GABRB2: variants seen among roughly 807,000 people sequenced by gnomAD.
The protein encoded by GABRB2 is gamma-aminobutyric acid type A receptor subunit beta2.
Under a neutral mutation model 54.7 loss-of-function variants are expected in GABRB2, and 16 were observed. The ratio of observed to expected loss-of-function variants is 0.29; its 90% confidence interval spans 0.20 to 0.44. GABRB2 has a LOEUF of 0.44. GABRB2 is among the 20% of genes least tolerant of loss of function. The pLI is 1.00. For synonymous variants in GABRB2, 244 were observed against 233.8 expected, an observed-to-expected ratio of 1.04 and a Z score of -0.40; for missense variants, 355 against 644.0, an observed-to-expected ratio of 0.55 and a Z score of 4.86.
chr5:161,442,886 G>A (rs1479255683), intron 4 of GABRB2, among the ~76,000 whole-genome samples: 1 of 152,006 alleles, frequency 6.6e-6, no homozygotes, highest in Non-Finnish European at 1.5e-5. Context: ...TCTTGATTCA[G>A]TTGGTCCCCT....
intron 5 of GABRB2, among the ~76,000 whole-genome samples, chr5:161,377,923 T>G (rs1755357283): frequency 6.6e-6 from 1 of 152,218 alleles, no homozygotes; most frequent in East Asian, 1.9e-4. Context: ...TACATATTTG[T>G]ATGTATTTTT....
chr5:161,538,257 G>A (rs781166674), intron 3 of GABRB2, among the ~76,000 whole-genome samples: 2 of 152,112 alleles, frequency 1.3e-5, no homozygotes, highest in Non-Finnish European at 2.9e-5. Context: ...ACAACCATTT[G>A]TATATAAAGC....
intron 3 of GABRB2, among the ~76,000 whole-genome samples, chr5:161,469,648 C>T (rs1758381207): frequency 6.6e-6 from 1 of 150,408 alleles, no homozygotes; most frequent in South Asian, 2.1e-4. Context: ...ATGTCTAATA[C>T]TCAGAGGAGA....
rs1561596652 is a variant in GABRB2 at position 161,294,163 on chromosome 5, G to T, written c.1457C>A (p.Ala486Asp). 2 of 1,614,142 alleles carry T rather than the reference G, an allele frequency of 1.2e-6. No individual in the cohort carries two copies. Among genetic ancestry groups the T allele is most frequent in the Non-Finnish European group, 1.7e-6 (2 of 1,180,004 alleles). ...ITIPDLTDVN[A>D]IDRWSRIFFP... ...GAATATGCGGGACCACCGATCTATG[G>T]CATTCACATCAGTCAAGTCAGGGAT... is the stretch of plus-strand genomic sequence containing the variant. Residue 486 changes from alanine to aspartate, a missense_variant, in exon 10 of 10, where the codon GCC becomes GAC. Ala to Asp is a moderately radical substitution (Grantham distance 126). Transcript: ENST00000393959.
At chr5:161,465,660 TA>T (rs1412830399) in intron 3 of GABRB2, among the ~76,000 whole-genome samples, 1 of 152,116 alleles carries the variant, frequency 6.6e-6, no homozygotes, top group African/African-American at 2.4e-5. Flanking sequence ...TATTGTTTTG[TA>T]AAGTGCCTAT....
intron 4 of GABRB2, among the ~76,000 whole-genome samples, chr5:161,433,731 T>G (rs1757236021): frequency 6.6e-6 from 1 of 152,212 alleles, no homozygotes; most frequent in African/African-American, 2.4e-5. Flanking sequence ...TTCATTCAAC[T>G]TTATTAAAAT....
intron 1 of GABRB2, 29 bp downstream of exon 1, chr5:161,546,538 C>T (rs1322341797): frequency 1.2e-5 from 19 of 1,584,968 alleles, no homozygotes; most frequent in Non-Finnish European, 1.5e-5. Context: ...AAAGTGAGAA[C>T]GGAAAAGAGA....
At chr5:161,362,991 CCA>C (rs1754858299) in intron 5 of GABRB2, among the ~76,000 whole-genome samples, 1 of 152,052 alleles carries the variant, frequency 6.6e-6, no homozygotes, top group African/African-American at 2.4e-5. Flanking sequence ...GGATCTAGAA[CCA>C]GAAATACCAT....
intron 5 of GABRB2, among the ~76,000 whole-genome samples, chr5:161,363,725 G>T (rs1339190556): frequency 6.6e-6 from 1 of 151,852 alleles, no homozygotes; most frequent in African/African-American, 2.4e-5. Context: ...GAAACATTAG[G>T]GTTAGAAAGC....
intron 3 of GABRB2, among the ~76,000 whole-genome samples, chr5:161,483,487 A>C (rs1758826429): frequency 1.3e-5 from 2 of 151,992 alleles, no homozygotes; most frequent in African/African-American, 2.4e-5. Flanking sequence ...AGTAGATGAA[A>C]TATTCCATAA....
chr5:161,484,133 CT>C (rs1275805731), intron 3 of GABRB2, among the ~76,000 whole-genome samples: 1 of 151,800 alleles, frequency 6.6e-6, no homozygotes, highest in Non-Finnish European at 1.5e-5. Flanking sequence ...GACACTATGC[CT>C]ATCTTAATTG....
intron 3 of GABRB2, among the ~76,000 whole-genome samples, chr5:161,471,835 T>C (rs1405017719): frequency 1.3e-5 from 2 of 152,028 alleles, no homozygotes; most frequent in Non-Finnish European, 2.9e-5. Flanking sequence ...TATTGCCCTA[T>C]AAATTCATCT....
In GABRB2 at chr5:161,538,535, C is replaced by T. The variant is rs551213505; in HGVS notation, c.237+6692G>A. ...CTGATGTAACTATAAGAATAGTAAA[C>T]GCCTACCTGGGCGGTGGTGGCTCAC... On this transcript the variant is annotated intron_variant, in intron 3 of 9. Coordinates refer to ENST00000393959, the MANE Select transcript of GABRB2 (RefSeq NM_001371727.1). 2.6e-5 allele frequency among the ~76,000 whole-genome samples: 4 copies of T among 152,270 alleles called. No individual in the cohort carries two copies. The East Asian group carries it at 5.8e-4, about 22-fold the overall frequency.
At chr5:161,368,149 A>ACACACACACACACACG (rs749548536) in intron 5 of GABRB2, among the ~76,000 whole-genome samples, 42 of 148,964 alleles carry the variant, frequency 2.8e-4, no homozygotes, top group Non-Finnish European at 5.2e-4. Flanking sequence ...ACACACACAC[A>ACACACACACACACACG]CTCTTCCACC....
intron 4 of GABRB2, among the ~76,000 whole-genome samples, chr5:161,413,112 T>A (rs1420237287): frequency 1.3e-5 from 2 of 152,118 alleles, no homozygotes; most frequent in Non-Finnish European, 2.9e-5. Flanking sequence ...GTTTAAGCTG[T>A]TTAAGGGCAC....
Position 161,289,136 on chromosome 5 carries a change from T to C in GABRB2, c.*4945A>G, listed in dbSNP as rs1350867490. The C allele has an allele frequency of 2.6e-5, 4 of 151,964 alleles. No individual in the cohort carries two copies. The highest frequency in any genetic ancestry group is 5.9e-5 in the Non-Finnish European group (4 of 67,960). The allele number at this position is 151,964 out of a possible 1,614,324, so 9.4% of individuals were successfully genotyped here. A position where few individuals can be genotyped will look rare whatever the true frequency, so the allele number is the denominator to read the frequency against. ...GATCTTCATCACAAATAAAACTTCT[T>C]TAAGCAAATTAAAATTTGATGTCAG... is the stretch of plus-strand genomic sequence containing the variant. On this transcript the variant is annotated 3_prime_UTR_variant, in exon 10 of 10. Coordinates refer to ENST00000393959, the MANE Select transcript of GABRB2 (RefSeq NM_001371727.1).
intron 5 of GABRB2, among the ~76,000 whole-genome samples, chr5:161,385,002 A>T (rs1052201838): frequency 6.6e-6 from 1 of 152,044 alleles, no homozygotes. Flanking sequence ...ATTCCCCTTT[A>T]AATATGCTTT....
At chr5:161,415,190 T>C (rs1756630461) in intron 4 of GABRB2, among the ~76,000 whole-genome samples, 1 of 152,176 alleles carries the variant, frequency 6.6e-6, no homozygotes, top group East Asian at 1.9e-4. Flanking sequence ...AACAGCTCTG[T>C]CTTCAATCAA....
At chr5:161,362,075 C>A (rs931074318) in intron 5 of GABRB2, among the ~76,000 whole-genome samples, 1 of 152,112 alleles carries the variant, frequency 6.6e-6, no homozygotes, top group South Asian at 2.1e-4. Context: ...TGTCAAAGAT[C>A]AGATGACTGT....
Sources: gnomAD v4.1 joint callset for allele counts (sites outside exome capture counted in the v4.1 genomes callset) on GRCh38, gnomAD v4.1.1 for gene constraint, MANE v1.5 for transcripts, NCBI Gene and HGNC (gene_info 2026-07-23, HGNC 2026-07-21) for gene names.